KAZN: variants seen among roughly 807,000 people sequenced by gnomAD.
KAZN encodes kazrin, periplakin interacting protein.
A neutral mutation model predicts 87.4 loss-of-function variants in KAZN; 40 were observed. That is an observed-to-expected ratio of 0.46 (90% CI 0.36 to 0.60). The LOEUF is 0.60. Ranked by LOEUF, KAZN falls within the 20% of genes least tolerant of loss-of-function variation. The probability of loss-of-function intolerance (pLI) is 0.00; values close to 1 mark genes in which losing one functional copy is unlikely to be tolerated. For synonymous variants in KAZN, 466 were observed against 458.3 expected (o/e 1.02, Z -0.22); for missense variants, 898 against 1,073.9 (o/e 0.84, Z 2.29).
chr1:13,981,075 T>TA (rs1378182011), intron 1 of KAZN, among the ~76,000 whole-genome samples: 2 of 17,678 alleles, frequency 1.1e-4, no homozygotes, highest in Admixed American at 7.3e-4. Context: ...TGGAGAGGTA[T>TA]AAAAAATTAC....
intron 2 of KAZN, among the ~76,000 whole-genome samples, chr1:15,023,579 G>C (rs925579950): frequency 6.6e-6 from 1 of 152,132 alleles, no homozygotes; most frequent in Admixed American, 6.5e-5. Context: ...ACAGATCTTG[G>C]GGGGGTCCTT....
rs933009952 is a variant in KAZN at position 14,521,333 on chromosome 1, A to G, written c.250-77650A>G. Among the ~76,000 whole-genome samples the G allele has an allele frequency of 7.2e-5, 11 of 152,302 alleles. No individual in the cohort carries two copies. The East Asian group carries it at 2.1e-3, about 29-fold the overall frequency. On this transcript the variant is annotated intron_variant, in intron 2 of 16. Transcript: ENST00000636203. Reference sequence around the variant, plus strand: ...CAGAAATGTCGCCCTCACTGCATTTATGCCCCTCCAACCCTTCAGAATTGG... The same window carrying G: ...CAGAAATGTCGCCCTCACTGCATTTGTGCCCCTCCAACCCTTCAGAATTGG...
intron 1 of KAZN, among the ~76,000 whole-genome samples, chr1:14,134,812 C>T (rs534457009): frequency 2.6e-4 from 39 of 152,216 alleles, no homozygotes; most frequent in African/African-American, 9.2e-4. Flanking sequence ...TTATTAATCA[C>T]ATAAACAAGT....
At chr1:14,060,338 G>A (rs549672087) in intron 1 of KAZN, among the ~76,000 whole-genome samples, 1 of 143,998 alleles carries the variant, frequency 6.9e-6, no homozygotes, top group Non-Finnish European at 1.5e-5. Context: ...AGTCCAGCCT[G>A]GGCGACAGAG....
At chr1:14,400,854 AAGT>A (rs1281949095) in intron 2 of KAZN, among the ~76,000 whole-genome samples, 7 of 152,222 alleles carry the variant, frequency 4.6e-5, no homozygotes, top group Non-Finnish European at 1.0e-4. Flanking sequence ...TTAAAAATAA[AAGT>A]AGTTTTTTCA....
At chr1:14,538,302 G>C (rs1244279587) in intron 2 of KAZN, among the ~76,000 whole-genome samples, 1 of 152,090 alleles carries the variant, frequency 6.6e-6, no homozygotes, top group African/African-American at 2.4e-5. Context: ...TCTGAAAATG[G>C]GTATGATAAA....
chr1:15,019,608 C>T (rs538952236), intron 2 of KAZN, among the ~76,000 whole-genome samples: 5 of 152,106 alleles, frequency 3.3e-5, no homozygotes, highest in African/African-American at 7.2e-5. Flanking sequence ...AGGCTGGTCT[C>T]GAGCTCCTGA....
chr1:14,212,487 A>G (rs1161548954), intron 2 of KAZN, among the ~76,000 whole-genome samples: 1 of 152,138 alleles, frequency 6.6e-6, no homozygotes, highest in Admixed American at 6.5e-5. Context: ...AGCCAGAAAA[A>G]AAAAAAAAAG....
At position 14,298,706 on chromosome 1, in the gene KAZN, G is replaced by A. The variant is rs578097304; in HGVS notation, c.249+118114G>A. 2.4e-3 allele frequency among the ~76,000 whole-genome samples: 364 copies of A among 152,288 alleles called. 1 individual carries two copies. The highest frequency in any genetic ancestry group is 7.7e-3 in the African/African-American group (318 of 41,558). On this transcript the variant is annotated intron_variant, in intron 2 of 16. Coordinates refer to the KAZN transcript ENST00000636203. ...GCTGTTATTTCTCTGTATATAACTCGAAATCTTTGGAAATGTGGGGGAGAG... is the reference window on the plus strand; with the variant it reads ...GCTGTTATTTCTCTGTATATAACTCAAAATCTTTGGAAATGTGGGGGAGAG...
At chr1:13,944,237 A>G (rs1027418011) in intron 1 of KAZN, among the ~76,000 whole-genome samples, 1 of 152,264 alleles carries the variant, frequency 6.6e-6, no homozygotes, top group Non-Finnish European at 1.5e-5. Flanking sequence ...ATGAACGTTG[A>G]AAATAGCACG....
At chr1:14,889,043 T>C (rs1300425317) in intron 1 of KAZN, among the ~76,000 whole-genome samples, 5 of 152,220 alleles carry the variant, frequency 3.3e-5, no homozygotes, top group African/African-American at 1.2e-4. Flanking sequence ...CTCATAGTGT[T>C]TTAAGAAAGT....
chr1:14,050,794 C>T (rs1229687181), intron 1 of KAZN, among the ~76,000 whole-genome samples: 4 of 152,172 alleles, frequency 2.6e-5, no homozygotes, highest in East Asian at 1.9e-4. Flanking sequence ...GCTGAGGACC[C>T]GGCCCATCCT....
At chr1:13,975,570 C>G (rs1184778186) in intron 1 of KAZN, among the ~76,000 whole-genome samples, 1 of 152,202 alleles carries the variant, frequency 6.6e-6, no homozygotes, top group Non-Finnish European at 1.5e-5. Context: ...CAAACATGCT[C>G]TTGAGTCCCC....
chr1:14,401,746 T>C, intron 2 of KAZN, among the ~76,000 whole-genome samples: 1 of 152,288 alleles, frequency 6.6e-6, no homozygotes, highest in Middle Eastern at 3.4e-3. Context: ...TCATTTATTA[T>C]AGGAAAAATA....
intron 1 of KAZN, among the ~76,000 whole-genome samples, chr1:14,797,270 A>G (rs974797388): frequency 6.6e-6 from 1 of 152,124 alleles, no homozygotes; most frequent in Non-Finnish European, 1.5e-5. Flanking sequence ...CATGTTGGCC[A>G]GGCTGGTCTT....
chr1:14,569,692 T>TA (rs1294331977), intron 2 of KAZN, among the ~76,000 whole-genome samples: 2 of 152,092 alleles, frequency 1.3e-5, no homozygotes, highest in African/African-American at 2.4e-5. Context: ...AATTTCTGCT[T>TA]AAAATCACAA....
At chr1:14,581,487 T>C (rs527507463) in intron 2 of KAZN, among the ~76,000 whole-genome samples, 1 of 152,172 alleles carries the variant, frequency 6.6e-6, no homozygotes, top group African/African-American at 2.4e-5. Context: ...GCCTACATGG[T>C]TTCCTGCCTT....
At chr1:14,706,363 A>G (rs769077115) in intron 1 of KAZN, among the ~76,000 whole-genome samples, 4 of 152,168 alleles carry the variant, frequency 2.6e-5, no homozygotes, top group Non-Finnish European at 4.4e-5. Flanking sequence ...CCTGTCTTCC[A>G]TGAAACCAGT....
chr1:14,977,584 G>A lies in KAZN; in HGVS notation c.418+16709G>A, dbSNP rs74877691. ...TCTGAGTCAGCTGGAGAATTCATGT[G>A]CCTGCCGAGGTTGGCAATGGGTGGC... On this transcript the variant is annotated intron_variant, in intron 2 of 14. Transcript: ENST00000376030. Among the ~76,000 whole-genome samples the A allele has an allele frequency of 8.7e-3, 1,323 of 152,350 alleles. 17 individuals carry two copies. The highest frequency in any genetic ancestry group is 0.03 in the African/African-American group (1,257 of 41,576).
Sources: allele counts gnomAD v4.1 joint callset (sites outside exome capture counted in the v4.1 genomes callset), GRCh38; gene constraint gnomAD v4.1.1; transcripts MANE v1.5; gene names NCBI Gene and HGNC (gene_info 2026-07-23, HGNC 2026-07-21).